FUOM: variants seen among roughly 807,000 people sequenced by gnomAD.
The protein encoded by FUOM is protein fucU homolog.
Under a neutral mutation model 18.3 loss-of-function variants are expected in FUOM, and 19 were observed. That is an observed-to-expected ratio of 1.04 (90% CI 0.73 to 1.53). FUOM has a LOEUF of 1.53. Among genes scored for constraint, FUOM ranks in the 40% most tolerant of loss-of-function variants. FUOM has a pLI of 0.00. For missense variants in FUOM, 210 were observed against 200.9 expected (o/e 1.04, Z -0.27); for synonymous variants, 102 against 87.9 (o/e 1.16, Z -0.90).
At position 133,355,203 on chromosome 10, in the gene FUOM, G is replaced by A. The variant is rs1848746198; in HGVS notation, c.*167C>T. On this transcript the variant is annotated 3_prime_UTR_variant, in exon 6 of 6. Transcript: ENST00000278025. The stretch of plus-strand genomic sequence containing the variant: ...GTTTTTCCATCATTTTCACAAATCA[G>A]GGATACTCGTCCCAATTGGCAGGGC... 1 of 661,904 alleles carries A rather than the reference G, an allele frequency of 1.5e-6. No homozygotes were observed. The highest frequency in any genetic ancestry group is 2.9e-5 in the Admixed American group (1 of 34,022). 41.0% of individuals were successfully genotyped at this position (661,904 alleles called of 1,614,324 possible).
rs990065187 is a variant in FUOM at position 133,357,828 on chromosome 10, G to A, written c.85+95C>T. 5.9e-6 allele frequency: 6 copies of A among 1,023,466 alleles called. No individual in the cohort carries two copies. In the African/African-American group the frequency reaches 8.4e-5, roughly 14 times the overall value. 63.4% of individuals were successfully genotyped at this position (1,023,466 alleles called of 1,614,324 possible). A position where few individuals can be genotyped will look rare whatever the true frequency, so the allele number is the denominator to read the frequency against. On this transcript the variant is annotated intron_variant, in intron 1 of 5. Coordinates refer to ENST00000278025, the MANE Select transcript of FUOM (RefSeq NM_001098483.3). Reference sequence around the variant, plus strand: ...AGGCCCGAGCAACGCCCACACCCCAGGACGCGGCCCTTCCCGGCCCGGGGG... The same window carrying A: ...AGGCCCGAGCAACGCCCACACCCCAAGACGCGGCCCTTCCCGGCCCGGGGG...
chr10:133,356,100 G>A (rs1018625952), intron 4 of FUOM, among the ~76,000 whole-genome samples: 1 of 152,194 alleles, frequency 6.6e-6, no homozygotes, highest in African/African-American at 2.4e-5. Context: ...GCTGTCCTGG[G>A]GGGAGTCCCC....
At chr10:133,353,450 CG>C (rs1848715395), downstream of FUOM, among the ~76,000 whole-genome samples, 1 of 152,172 alleles carries the variant, frequency 6.6e-6, no homozygotes, top group Non-Finnish European at 1.5e-5. Flanking sequence ...GTGCCAAGCC[CG>C]GGGCTGAGCC....
intron 1 of FUOM, chr10:133,357,494 G>A: frequency 1.7e-6 from 1 of 585,118 alleles, no homozygotes; most frequent in Non-Finnish European, 3.1e-6. Context: ...ACAGCTGCCC[G>A]CGAGGCTGTC....
Position 133,356,691 on chromosome 10 carries a change from C to G in FUOM, c.273G>C (p.Gln91His). ...ACTCGTACTCCGTCCACACTGGGGT[C>G]TGCAGGCCCCTCTCCTTGTCGCTGG... ...LVPSDKERGL[Q>H]TPVWTEYESI... Residue 91 changes from glutamine to histidine, a missense_variant, in exon 4 of 6, where the codon CAG becomes CAC. Physicochemically the swap from Gln to His is conservative, Grantham distance 24. Transcript: ENST00000278025. The G allele has an allele frequency of 6.2e-7, 1 of 1,601,124 alleles. No individual in the cohort carries two copies. The highest frequency in any genetic ancestry group is 8.5e-7 in the Non-Finnish European group (1 of 1,172,928).
At chr10:133,355,523 C>A (rs370634503) in intron 5 of FUOM, 87 bp from the exon 6 acceptor site, 1 of 1,607,198 alleles carries the variant, frequency 6.2e-7, no homozygotes, top group African/African-American at 1.3e-5. Flanking sequence ...ACAGAGCAGA[C>A]CCTGTCCACC....
chr10:133,356,676 C>T lies in FUOM; in HGVS notation c.288G>A (p.Thr96=), dbSNP rs776580688. ...KERGLQTPVW[T]EYESILRRAG... ...CCCTGCGTAGGATGGACTCGTACTC[C>T]GTCCACACTGGGGTCTGCAGGCCCC... Residue 96 remains threonine, a synonymous_variant, in exon 4 of 6, where the codon ACG becomes ACA. Transcript: ENST00000278025. The T allele has an allele frequency of 1.0e-4, 163 of 1,600,532 alleles. No homozygotes were observed. In the South Asian group the frequency reaches 1.2e-3, roughly 12 times the overall value.
chr10:133,352,982 A>C (rs977021863), downstream of FUOM, among the ~76,000 whole-genome samples: 2 of 152,128 alleles, frequency 1.3e-5, no homozygotes, highest in Non-Finnish European at 2.9e-5. Context: ...CACTACCCCC[A>C]GGCCCTCCTC....
Position 133,357,252 on chromosome 10 carries a change from A to G in FUOM, c.89T>C (p.Leu30Pro). 1 of 1,575,830 alleles carries G rather than the reference A, an allele frequency of 6.3e-7. No homozygotes were observed. The highest frequency in any genetic ancestry group is 8.6e-7 in the Non-Finnish European group (1 of 1,161,820). Residue 30 changes from leucine (L) to proline (P), a missense_variant, in exon 2 of 6, where the codon CTT becomes CCT. By Grantham distance (98) the Leu-to-Pro change is moderately conservative (BLOSUM62 -3). Coordinates refer to ENST00000278025, the MANE Select transcript of FUOM (RefSeq NM_001098483.3). ...GGAGGCCGGGAAGTTCAAGTCCGCA[A>G]GAACTAAACAGCCGGGAGGACAGCC... ...ARMGHGDEIV[L>P]ADLNFPASSI...
Position 133,357,933 on chromosome 10 carries a change from C to T in FUOM, c.75G>A (p.Gly25=). The T allele has an allele frequency of 6.6e-7, 1 of 1,525,522 alleles. No individual in the cohort carries two copies. Among genetic ancestry groups the T allele is most frequent in the Non-Finnish European group, 8.8e-7 (1 of 1,140,062 alleles). 94.5% of individuals were successfully genotyped at this position (1,525,522 alleles called of 1,614,324 possible). A position where few individuals can be genotyped will look rare whatever the true frequency, so the allele number is the denominator to read the frequency against. Reference sequence around the variant, plus strand: ...GCCCGCTGCGCTCACCGATCTCGTCCCCGTGCCCCATCCGCGCCAGCGCGT... The same window carrying T: ...GCCCGCTGCGCTCACCGATCTCGTCTCCGTGCCCCATCCGCGCCAGCGCGT... ...LLYALARMGH[G]DEIVLADLNF... The change falls in exon 1 of 6, where the codon GGG becomes GGA. Residue 25 remains glycine (G), a synonymous_variant. Coordinates refer to ENST00000278025, the MANE Select transcript of FUOM (RefSeq NM_001098483.3).
downstream of FUOM, among the ~76,000 whole-genome samples, chr10:133,354,669 C>G (rs1848734277): frequency 6.6e-6 from 1 of 152,172 alleles, no homozygotes; most frequent in African/African-American, 2.4e-5. Context: ...TCCCAGGCAC[C>G]CCCTTTCAGG....
rs1334314846 is a variant in FUOM at position 133,355,421 on chromosome 10, G to A, written c.414C>T (p.Tyr138=). ...AVVATGETAL[Y]GNLILRKGVL... ...CCCCCTTCCTGAGGATGAGGTTTCCGTAGAGGGCCGTCTCCCTGCAGAGGA... is the reference window on the plus strand; with the variant it reads ...CCCCCTTCCTGAGGATGAGGTTTCCATAGAGGGCCGTCTCCCTGCAGAGGA... Residue 138 remains tyrosine (Y), a synonymous_variant, in exon 6 of 6, where the codon TAC becomes TAT. Coordinates refer to ENST00000278025, the MANE Select transcript of FUOM (RefSeq NM_001098483.3). The A allele has an allele frequency of 1.2e-5, 20 of 1,609,736 alleles. No homozygotes were observed. The highest frequency in any genetic ancestry group is 1.7e-5 in the Admixed American group (1 of 59,756).
At chr10:133,357,333 T>C (rs997509417) in intron 1 of FUOM, 78 bp from the exon 2 acceptor site, 7 of 1,398,036 alleles carry the variant, frequency 5.0e-6, no homozygotes, top group Middle Eastern at 1.8e-4. Flanking sequence ...TCCCACCCAG[T>C]CATGGCGGCA....
downstream of FUOM, chr10:133,355,030 C>G: frequency 2.9e-6 from 1 of 339,256 alleles, no homozygotes; most frequent in South Asian, 4.0e-5. Context: ...GGCACCCCGC[C>G]CAGTCCCCAG....
At chr10:133,354,201 T>G (rs1002517729), downstream of FUOM, among the ~76,000 whole-genome samples, 1 of 152,100 alleles carries the variant, frequency 6.6e-6, no homozygotes, top group African/African-American at 2.4e-5. Flanking sequence ...GGTCTAGAGA[T>G]GAGCAGTGAT....
At chr10:133,353,672 G>C (rs1848719022), downstream of FUOM, among the ~76,000 whole-genome samples, 1 of 152,190 alleles carries the variant, frequency 6.6e-6, no homozygotes, top group Admixed American at 6.5e-5. Flanking sequence ...GCCCCACGGT[G>C]TCCCACAATG....
At position 133,356,663 on chromosome 10, in the gene FUOM, T is replaced by TG. The variant is rs752914330; in HGVS notation, c.300dup (p.Ile101HisfsTer18). ...ACCACACAGCCGGCCCTGCGTAGGA[T>TG]GGACTCGTACTCCGTCCACACTGGG... On this transcript the variant is annotated frameshift_variant, in exon 4 of 6. Coordinates refer to ENST00000278025, the MANE Select transcript of FUOM (RefSeq NM_001098483.3). LOFTEE classifies it high-confidence loss of function. 6.3e-7 allele frequency: 1 copy of TG among 1,593,252 alleles called. No homozygotes were observed. Among genetic ancestry groups the TG allele is most frequent in the Non-Finnish European group, 8.6e-7 (1 of 1,168,014 alleles).
chr10:133,354,508 C>A (rs1431813105), downstream of FUOM, among the ~76,000 whole-genome samples: 1 of 152,182 alleles, frequency 6.6e-6, no homozygotes, highest in Non-Finnish European at 1.5e-5. Context: ...CCACTCCTGC[C>A]CTTGGTCCCT....
intron 1 of FUOM, 47 bp from the exon 2 acceptor site, chr10:133,357,302 C>T (rs943418114): frequency 1.3e-6 from 2 of 1,536,572 alleles, no homozygotes; most frequent in East Asian, 4.9e-5. Flanking sequence ...TCCCTGCCCT[C>T]GGGGTCGGCG....
Sources: allele counts gnomAD v4.1 joint callset (sites outside exome capture counted in the v4.1 genomes callset), GRCh38; gene constraint gnomAD v4.1.1; transcripts MANE v1.5; gene names NCBI Gene and HGNC (gene_info 2026-07-23, HGNC 2026-07-21).